Variants in WDR7 observed in about 807,000 individuals in gnomAD.
WDR7 encodes WD repeat domain 7, also known as WD repeat-containing protein 7.
Under a neutral mutation model 169.4 loss-of-function variants are expected in WDR7, and 46 were observed. That is an observed-to-expected ratio of 0.27 (90% CI 0.21 to 0.35). The LOEUF (loss-of-function observed/expected upper bound fraction) is 0.35, where lower values mean the gene tolerates loss of function less well. WDR7 is among the 10% of genes least tolerant of loss of function. The pLI, the probability that WDR7 is intolerant of heterozygous loss-of-function variation, is 1.00. For synonymous variants in WDR7, 612 were observed against 666.8 expected, an observed-to-expected ratio of 0.92 and a Z score of 1.27; for missense variants, 1,534 against 1,859.3, an observed-to-expected ratio of 0.83 and a Z score of 3.22.
chr18:56,985,418 A>T (rs2047699528), intron 26 of WDR7, among the ~76,000 whole-genome samples: 1 of 152,190 alleles, frequency 6.6e-6, no homozygotes, highest in Admixed American at 6.5e-5. Context: ...GGATTATGCT[A>T]TGATTTGTTA....
In WDR7 at chr18:56,829,275, A is replaced by G. The variant is rs571884229; in HGVS notation, c.3304+13131A>G. ...CTTCTGTAAAAAAAAAAAATAATAA[A>G]CAAACCCCAACCTCCCCCTACCACA... is the stretch of plus-strand genomic sequence containing the variant. On this transcript the variant is annotated intron_variant, in intron 20 of 27. Coordinates refer to ENST00000254442, the MANE Select transcript of WDR7 (RefSeq NM_015285.3). Among the ~76,000 whole-genome samples, 26 of 151,476 alleles carry G rather than the reference A, an allele frequency of 1.7e-4. No individual in the cohort carries two copies. The South Asian group carries it at 2.3e-3, about 13-fold the overall frequency.
chr18:57,005,257 A>C (rs1215199502), intron 26 of WDR7, among the ~76,000 whole-genome samples: 3 of 152,180 alleles, frequency 2.0e-5, no homozygotes, highest in African/African-American at 7.2e-5. Context: ...TGTATGTTAA[A>C]TAATTTTTTT....
Position 56,757,361 on chromosome 18 carries a change from A to G in WDR7, c.2759+9A>G, listed in dbSNP as rs570648863. ...AAGAAGGGTCCTACCAGGTGTGACCATGATAGTTTGATTTTATTCTTAAGT... is the reference window on the plus strand; with the variant it reads ...AAGAAGGGTCCTACCAGGTGTGACCGTGATAGTTTGATTTTATTCTTAAGT... On this transcript the variant is annotated intron_variant, in intron 15 of 27. Transcript: ENST00000254442. 2.0e-5 allele frequency: 31 copies of G among 1,542,246 alleles called. No individual in the cohort carries two copies. The highest frequency in any genetic ancestry group is 6.8e-5 in the East Asian group (3 of 43,974).
chr18:56,793,220 T>C (rs989468370), intron 19 of WDR7, among the ~76,000 whole-genome samples: 2 of 152,236 alleles, frequency 1.3e-5, no homozygotes, highest in Non-Finnish European at 2.9e-5. Flanking sequence ...AATTAAAATG[T>C]GATAACCTAT....
intron 25 of WDR7, among the ~76,000 whole-genome samples, chr18:56,956,809 T>C (rs2047256705): frequency 6.6e-6 from 1 of 152,206 alleles, no homozygotes; most frequent in Non-Finnish European, 1.5e-5. Flanking sequence ...ATTAAGAATG[T>C]AACCTACATG....
chr18:56,942,017 G>A (rs771941110), intron 25 of WDR7, among the ~76,000 whole-genome samples: 1 of 152,110 alleles, frequency 6.6e-6, no homozygotes, highest in Non-Finnish European at 1.5e-5. Context: ...GTCACTGGTA[G>A]GTGGAGTTCT....
chr18:56,809,620 A>G (rs928303009), intron 19 of WDR7, among the ~76,000 whole-genome samples: 2 of 151,840 alleles, frequency 1.3e-5, no homozygotes, highest in African/African-American at 2.4e-5. Flanking sequence ...AGGATATTTC[A>G]TTTTCTTTGG....
intron 20 of WDR7, among the ~76,000 whole-genome samples, chr18:56,835,218 A>G (rs961662652): frequency 6.6e-6 from 1 of 152,346 alleles, no homozygotes; most frequent in Middle Eastern, 3.4e-3. Flanking sequence ...ATATCAAAAA[A>G]TGTGCCTCCC....
chr18:56,815,824 ACATACCC>A, intron 19 of WDR7, among the ~76,000 whole-genome samples, 200 bp from the exon 20 acceptor site: 1 of 152,218 alleles, frequency 6.6e-6, no homozygotes, highest in East Asian at 1.9e-4. Context: ...TAAATACAGT[ACATACCC>A]ATGTACATAT....
At chr18:56,794,009 G>T (rs1310221241) in intron 19 of WDR7, among the ~76,000 whole-genome samples, 1 of 152,006 alleles carries the variant, frequency 6.6e-6, no homozygotes, top group African/African-American at 2.4e-5. Flanking sequence ...AGGATGATTT[G>T]TTAAATGATC....
chr18:56,754,196 G>A (rs1187981772), intron 14 of WDR7, among the ~76,000 whole-genome samples: 1 of 151,144 alleles, frequency 6.6e-6, no homozygotes, highest in East Asian at 1.9e-4. Context: ...TGTGGTGAGA[G>A]GTGAAATTGG....
chr18:56,671,945 T>A (rs1453536391), intron 1 of WDR7, among the ~76,000 whole-genome samples: 1 of 152,238 alleles, frequency 6.6e-6, no homozygotes, highest in East Asian at 1.9e-4. Context: ...ACAGTCTGTG[T>A]GTACCAGACT....
intron 19 of WDR7, among the ~76,000 whole-genome samples, chr18:56,795,182 AT>A (rs1291997329): frequency 6.6e-6 from 1 of 152,236 alleles, no homozygotes; most frequent in East Asian, 1.9e-4. Context: ...AAATTTTCCT[AT>A]CTTTGATCAG....
At chr18:56,847,577 A>G (rs1319393807) in intron 20 of WDR7, among the ~76,000 whole-genome samples, 1 of 152,186 alleles carries the variant, frequency 6.6e-6, no homozygotes, top group Non-Finnish European at 1.5e-5. Context: ...AAGGCCTTGA[A>G]GGCATTTCAG....
chr18:56,806,103 A>G (rs888579024), intron 19 of WDR7, among the ~76,000 whole-genome samples: 18 of 152,208 alleles, frequency 1.2e-4, no homozygotes, highest in Non-Finnish European at 1.6e-4. Flanking sequence ...CATCCTAAGA[A>G]GAGCTGATTT....
intron 20 of WDR7, among the ~76,000 whole-genome samples, chr18:56,871,220 A>G (rs575868307): frequency 6.6e-6 from 1 of 152,316 alleles, no homozygotes; most frequent in South Asian, 2.1e-4. Context: ...TGTCAGTATT[A>G]ACAAAGTTCA....
At position 57,027,504 on chromosome 18, in the gene WDR7, T is replaced by C; in HGVS notation, c.*297T>C. 1 of 445,628 alleles carries C rather than the reference T, an allele frequency of 2.2e-6. No individual in the cohort carries two copies. Among genetic ancestry groups the C allele is most frequent in the Non-Finnish European group, 4.1e-6 (1 of 245,300 alleles). The allele number at this position is 445,628 out of a possible 1,614,324, so 27.6% of individuals were successfully genotyped here. A position where few individuals can be genotyped will look rare whatever the true frequency, so the allele number is the denominator to read the frequency against. On this transcript the variant is annotated 3_prime_UTR_variant, in exon 28 of 28. Coordinates refer to ENST00000254442, the MANE Select transcript of WDR7 (RefSeq NM_015285.3). ...CAGTGGTTCCTGGGAACGCTCTTGTTGCTTGGTGCAACAGAAGCACAAAAA... is the reference window on the plus strand; with the variant it reads ...CAGTGGTTCCTGGGAACGCTCTTGTCGCTTGGTGCAACAGAAGCACAAAAA...
At chr18:56,744,268 AAGAAAG>A (rs1277429578) in intron 14 of WDR7, among the ~76,000 whole-genome samples, 107 of 112,020 alleles carry the variant, frequency 9.6e-4, no homozygotes, top group African/African-American at 2.2e-3. Flanking sequence ...AAAAAAAAAA[AAGAAAG>A]AGCACAGGCT....
chr18:57,027,233 G>A lies in WDR7; in HGVS notation c.*26G>A, dbSNP rs368083407. 21 of 1,585,940 alleles carry A rather than the reference G, an allele frequency of 1.3e-5. No homozygotes were observed. Among genetic ancestry groups the A allele is most frequent in the East Asian group, 4.7e-5 (2 of 42,920 alleles). On this transcript the variant is annotated 3_prime_UTR_variant, in exon 28 of 28. Coordinates refer to ENST00000254442, the MANE Select transcript of WDR7 (RefSeq NM_015285.3). ...TGCTGCTGCCTGCCGCCGTGACTGC[G>A]TTTTAGTTCTCTAAATTATCCAAGC...
Sources: allele counts gnomAD v4.1 joint callset (sites outside exome capture counted in the v4.1 genomes callset), GRCh38; gene constraint gnomAD v4.1.1; transcripts MANE v1.5; gene names NCBI Gene and HGNC (gene_info 2026-07-23, HGNC 2026-07-21).